Variants in ADGRL3 observed in about 807,000 individuals in gnomAD.
The protein encoded by ADGRL3 is adhesion G protein-coupled receptor L3.
Under a neutral mutation model 153.5 loss-of-function variants are expected in ADGRL3, and 62 were observed. The observed-to-expected ratio is 0.40, with a 90% CI of 0.33 to 0.50. The LOEUF (loss-of-function observed/expected upper bound fraction) is 0.50. Ranked by LOEUF, ADGRL3 falls within the 20% of genes least tolerant of loss-of-function variation. The pLI is 0.47. For synonymous variants in ADGRL3, 710 were observed against 672.5 expected (o/e 1.06, Z -0.86); for missense variants, 1,641 against 1,859.4 (o/e 0.88, Z 2.16).
At chr4:61,298,042 A>T (rs2094468483) in intron 1 of ADGRL3, among the ~76,000 whole-genome samples, 1 of 152,204 alleles carries the variant, frequency 6.6e-6, no homozygotes, top group African/African-American at 2.4e-5. Flanking sequence ...GAGTGAAAGA[A>T]GAATCAGCTC....
At chr4:61,750,049 A>C (rs1372351617) in intron 8 of ADGRL3, among the ~76,000 whole-genome samples, 1 of 151,960 alleles carries the variant, frequency 6.6e-6, no homozygotes, top group African/African-American at 2.4e-5. Flanking sequence ...TATGTCTTTA[A>C]GTGGAGCTGA....
rs1301476455 is a variant in ADGRL3, at chr4:61,690,362, G to A, written c.583+13427G>A. Among the ~76,000 whole-genome samples, 15 of 152,158 alleles carry A rather than the reference G, an allele frequency of 9.9e-5. No individual in the cohort carries two copies. The East Asian group carries it at 2.9e-3, about 29-fold the overall frequency. On this transcript the variant is annotated intron_variant, in intron 6 of 26. Transcript: ENST00000683033. ...GGAGGCTGAAGTTGGAAGATTGCTT[G>A]AGCCCAGGAGGTTGCGGTTGCAGTG...
intron 1 of ADGRL3, among the ~76,000 whole-genome samples, chr4:61,207,122 C>T (rs753565225): frequency 2.0e-5 from 3 of 151,920 alleles, no homozygotes; most frequent in Non-Finnish European, 2.9e-5. Flanking sequence ...CACAGGTATA[C>T]ACGTGCCATG....
rs181612787 is a variant in ADGRL3, at chr4:61,247,897, G to T, written c.-240+46132G>T. Among the ~76,000 whole-genome samples, 7 of 152,170 alleles carry T rather than the reference G, an allele frequency of 4.6e-5. No homozygotes were observed. In the East Asian group the frequency reaches 1.4e-3, roughly 29 times the overall value. On this transcript the variant is annotated intron_variant, in intron 1 of 26. Transcript: ENST00000683033. ...ATAGTAACCAAGGAAGTTATCCTGT[G>T]ATATGTTTCCTTGCTCGTAGAGTTA...
intron 25 of ADGRL3, among the ~76,000 whole-genome samples, chr4:62,050,399 G>C (rs908553084): frequency 1.3e-5 from 2 of 151,906 alleles, no homozygotes; most frequent in Non-Finnish European, 2.9e-5. Flanking sequence ...TTCCAATTCA[G>C]ACAGCTCTTC....
chr4:61,320,749 T>G (rs544558188), intron 1 of ADGRL3, among the ~76,000 whole-genome samples: 1 of 152,226 alleles, frequency 6.6e-6, no homozygotes, highest in Non-Finnish European at 1.5e-5. Flanking sequence ...ACTCTTAAAA[T>G]TAACTATCAC....
intron 23 of ADGRL3, among the ~76,000 whole-genome samples, chr4:62,032,217 A>T (rs1006733927): frequency 5.3e-5 from 8 of 151,502 alleles, no homozygotes; most frequent in African/African-American, 1.9e-4. Context: ...TATTATTAGA[A>T]TGCAATCTTT....
chr4:61,920,703 A>T (rs1201174763), intron 13 of ADGRL3, among the ~76,000 whole-genome samples: 2 of 152,206 alleles, frequency 1.3e-5, no homozygotes. Flanking sequence ...AGATGACAAG[A>T]TGGCTACTTA....
At chr4:61,471,116 T>C (rs2097947112) in intron 2 of ADGRL3, among the ~76,000 whole-genome samples, 2 of 151,992 alleles carry the variant, frequency 1.3e-5, no homozygotes, top group African/African-American at 4.8e-5. Flanking sequence ...ATTATTCCTT[T>C]GGAATTATTT....
intron 2 of ADGRL3, among the ~76,000 whole-genome samples, chr4:61,447,883 C>A (rs1376311105): frequency 1.3e-5 from 2 of 152,284 alleles, no homozygotes; most frequent in East Asian, 1.9e-4. Context: ...TCTAGATGGT[C>A]TACTTCTGTT....
chr4:61,542,055 T>C (rs1015125779), intron 4 of ADGRL3, among the ~76,000 whole-genome samples: 3 of 152,206 alleles, frequency 2.0e-5, no homozygotes, highest in African/African-American at 7.2e-5. Flanking sequence ...TTTTTCCTGA[T>C]AATTTTTAAT....
intron 6 of ADGRL3, among the ~76,000 whole-genome samples, chr4:61,711,548 T>A (rs1293910074): frequency 1.5e-5 from 2 of 137,786 alleles, no homozygotes; most frequent in South Asian, 4.7e-4. Context: ...AAAGAAAAAC[T>A]TCAGGCACAT....
chr4:61,702,138 A>G (rs900186029), intron 6 of ADGRL3, among the ~76,000 whole-genome samples: 1 of 152,174 alleles, frequency 6.6e-6, no homozygotes, highest in Non-Finnish European at 1.5e-5. Context: ...TAGGAATACC[A>G]GGCCATTCCT....
intron 4 of ADGRL3, among the ~76,000 whole-genome samples, chr4:61,554,017 G>A (rs1361040531): frequency 6.6e-6 from 1 of 150,974 alleles, no homozygotes; most frequent in Non-Finnish European, 1.5e-5. Context: ...GCTTTTGAGT[G>A]AAATCTGATA....
intron 25 of ADGRL3, among the ~76,000 whole-genome samples, chr4:62,064,552 A>G (rs1169999812): frequency 1.3e-5 from 2 of 152,054 alleles, no homozygotes; most frequent in Non-Finnish European, 2.9e-5. Context: ...TTGAAAGAAA[A>G]TTCACAATTA....
At chr4:61,899,855 C>T (rs888163032) in intron 11 of ADGRL3, among the ~76,000 whole-genome samples, 7 of 152,178 alleles carry the variant, frequency 4.6e-5, no homozygotes, top group Non-Finnish European at 8.8e-5. Flanking sequence ...TCTCTGGGGC[C>T]TCATTTATAA....
At chr4:61,370,037 C>G (rs1345269727) in intron 1 of ADGRL3, among the ~76,000 whole-genome samples, 2 of 152,056 alleles carry the variant, frequency 1.3e-5, no homozygotes, top group African/African-American at 4.8e-5. Flanking sequence ...GTAGTATTCT[C>G]TGATGGTAGT....
At chr4:61,386,891 TC>T (rs1308685402) in intron 2 of ADGRL3, among the ~76,000 whole-genome samples, 2 of 152,210 alleles carry the variant, frequency 1.3e-5, no homozygotes, top group African/African-American at 4.8e-5. Context: ...TTTATTGATA[TC>T]TATTTTATAT....
chr4:62,034,463 G>T (rs866660803), intron 23 of ADGRL3, among the ~76,000 whole-genome samples: 1 of 151,708 alleles, frequency 6.6e-6, no homozygotes, highest in Non-Finnish European at 1.5e-5. Context: ...GGTCACATTT[G>T]TATTTGGTGT....
Sources: allele counts gnomAD v4.1 joint callset (sites outside exome capture counted in the v4.1 genomes callset), GRCh38; gene constraint gnomAD v4.1.1; transcripts MANE v1.5; gene names NCBI Gene and HGNC (gene_info 2026-07-23, HGNC 2026-07-21).